The following SGF29 variants were observed in gnomAD, a reference collection of about 807,000 sequenced individuals.
SGF29 encodes SAGA complex associated factor 29, also known as SAGA-associated factor 29.
A neutral mutation model predicts 38.1 loss-of-function variants in SGF29; 15 were observed. The ratio of observed to expected loss-of-function variants is 0.39; its 90% CI spans 0.26 to 0.61. The LOEUF is 0.61. Among genes scored for constraint, SGF29 ranks in the 20% least tolerant of loss-of-function variants. The pLI is 0.49. For missense variants in SGF29, 184 were observed against 394.6 expected (o/e 0.47, Z 4.52); for synonymous variants, 151 against 160.8 (o/e 0.94, Z 0.46).
intron 1 of SGF29, among the ~76,000 whole-genome samples, chr16:28,555,855 T>C (rs1251317379): frequency 6.6e-6 from 1 of 152,228 alleles, no homozygotes; most frequent in Admixed American, 6.6e-5. Flanking sequence ...GGTTGGCAGC[T>C]TCCACTTTTG....
intron 9 of SGF29, 60 bp from the exon 10 acceptor site, chr16:28,591,530 G>T (rs537129278): frequency 1.6e-5 from 19 of 1,172,802 alleles, no homozygotes; most frequent in Middle Eastern, 1.9e-4. Flanking sequence ...CTGGGGGAAG[G>T]GGGTGCCTGT....
At chr16:28,557,469 A>G (rs1250451662) in intron 1 of SGF29, among the ~76,000 whole-genome samples, 2 of 152,198 alleles carry the variant, frequency 1.3e-5, no homozygotes, top group African/African-American at 4.8e-5. Context: ...ATCCATTGTG[A>G]CATCCTTTAT....
At chr16:28,564,708 C>CAT (rs369741491) in intron 1 of SGF29, among the ~76,000 whole-genome samples, 5,050 of 50,044 alleles carry the variant, frequency 0.1, 626 homozygotes, top group African/African-American at 0.25. Context: ...TATATATATA[C>CAT]ATATATATGT....
In SGF29 at chr16:28,583,774, G is replaced by A. The variant is rs940341812; in HGVS notation, c.76-1139G>A. ...ATCTATATGCCAGTACCACACCATC[G>A]TGATTACCGTAGCTTCGTAATAAAT... On this transcript the variant is annotated intron_variant, in intron 2 of 9. Coordinates refer to ENST00000317058, the MANE Select transcript of SGF29 (RefSeq NM_138414.3). Among the ~76,000 whole-genome samples the A allele has an allele frequency of 4.6e-5, 7 of 152,142 alleles. No individual in the cohort carries two copies. The East Asian group carries it at 9.7e-4, about 21-fold the overall frequency.
rs1438570645 is a variant in SGF29 at position 28,590,261 on chromosome 16, C to T, written c.420-35C>T. ...CAGCTGCGAGGGAGGGGCTGGTGCC[C>T]AGGGGCTGGGACTGACCCTTTGTTC... On this transcript the variant is annotated intron_variant, in intron 6 of 9. Coordinates refer to ENST00000317058, the MANE Select transcript of SGF29 (RefSeq NM_138414.3). The surrounding 1 kb of genome is among the most constrained non-coding windows in gnomAD (Gnocchi z 8.2). 3 of 1,608,568 alleles carry T rather than the reference C, an allele frequency of 1.9e-6. No individual in the cohort carries two copies. The highest frequency in any genetic ancestry group is 2.2e-5 in the East Asian group (1 of 44,666).
At chr16:28,579,734 C>G (rs1262714068) in intron 1 of SGF29, among the ~76,000 whole-genome samples, 3 of 151,652 alleles carry the variant, frequency 2.0e-5, no homozygotes, top group Non-Finnish European at 4.4e-5. Context: ...AGTTTGAGAC[C>G]AGCCTGGCCA....
chr16:28,589,986 C>T (rs1199553185), intron 5 of SGF29, 110 bp from the exon 6 acceptor site: 6 of 1,447,582 alleles, frequency 4.1e-6, no homozygotes, highest in Admixed American at 2.6e-5. Flanking sequence ...CTCGGGCTCA[C>T]TCGGGAACTG....
In SGF29 at chr16:28,585,765, G is replaced by A. The variant is rs200251883; in HGVS notation, c.224+45G>A. The A allele has an allele frequency of 3.3e-5, 52 of 1,566,526 alleles. No homozygotes were observed. In the Admixed American group the frequency reaches 6.8e-4, roughly 21 times the overall value. On this transcript the variant is annotated intron_variant, in intron 4 of 9. Coordinates refer to ENST00000317058, the MANE Select transcript of SGF29 (RefSeq NM_138414.3). ...TTCATCGCCGCTCCCTCCTTTCCTG[G>A]GGGCTGGGCTGCAGGTCCATTTGGA...
In SGF29 at chr16:28,564,765, A is replaced by ACATATATACG. The variant is rs1567286199; in HGVS notation, c.-16+10668_-16+10669insCATATATACG. Reference sequence around the variant, plus strand: ...TATATGTATATATATGTATATATGTATATATATGTATATATATATATACAC... The same window carrying ACATATATACG: ...TATATGTATATATATGTATATATGTACATATATACGTATATATGTATATATATATATACAC... On this transcript the variant is annotated intron_variant, in intron 1 of 9. Coordinates refer to ENST00000317058, the MANE Select transcript of SGF29 (RefSeq NM_138414.3). 1.3e-3 allele frequency among the ~76,000 whole-genome samples: 74 copies of ACATATATACG among 58,820 alleles called. 2 individuals carry two copies. Among genetic ancestry groups the ACATATATACG allele is most frequent in the Non-Finnish European group, 1.9e-3 (57 of 30,278 alleles). 38.6% of individuals were successfully genotyped at this position (58,820 alleles called of 152,430 possible).
chr16:28,564,597 A>G (rs1043620723), intron 1 of SGF29, among the ~76,000 whole-genome samples: 2 of 131,300 alleles, frequency 1.5e-5, no homozygotes, highest in East Asian at 4.1e-4. Flanking sequence ...ATATACACAC[A>G]TATATGTGTA....
intron 1 of SGF29, among the ~76,000 whole-genome samples, chr16:28,574,104 T>A (rs1484577064): frequency 6.6e-6 from 1 of 152,154 alleles, no homozygotes; most frequent in African/African-American, 2.4e-5. Flanking sequence ...AGAATTCGAC[T>A]TGGGCACAAG....
intron 1 of SGF29, 133 bp from the exon 2 acceptor site, chr16:28,580,922 C>G (rs2046921211): frequency 1.5e-6 from 1 of 670,822 alleles, no homozygotes; most frequent in Non-Finnish European, 2.6e-6. Flanking sequence ...CTCAAGCAAT[C>G]CTCCCGCCTT....
chr16:28,589,312 G>GA (rs2046973252), intron 5 of SGF29, 148 bp downstream of exon 5: 7 of 735,112 alleles, frequency 9.5e-6, no homozygotes, highest in African/African-American at 1.8e-5. Flanking sequence ...CTACCACTGA[G>GA]AAGGGACAGG....
At chr16:28,559,867 C>T (rs1421732671) in intron 1 of SGF29, among the ~76,000 whole-genome samples, 1 of 152,164 alleles carries the variant, frequency 6.6e-6, no homozygotes, top group Non-Finnish European at 1.5e-5. Context: ...ACACCAAACT[C>T]TCAAGAACAT....
intron 4 of SGF29, among the ~76,000 whole-genome samples, chr16:28,588,205 CCACCCTGGAATCCCCATAAA>C (rs2046966373): frequency 6.6e-6 from 1 of 152,154 alleles, no homozygotes; most frequent in Non-Finnish European, 1.5e-5. Context: ...TGGGTTCCTG[CCACCCTGGAATCCCCATAAA>C]CTAACTTCAC....
At chr16:28,585,774 C>G in intron 4 of SGF29, 54 bp downstream of exon 4, 1 of 1,527,760 alleles carries the variant, frequency 6.5e-7, no homozygotes. Context: ...GGGGGCTGGG[C>G]TGCAGGTCCA....
chr16:28,568,050 C>T (rs945384736), intron 1 of SGF29, among the ~76,000 whole-genome samples: 5 of 151,932 alleles, frequency 3.3e-5, no homozygotes, highest in East Asian at 1.9e-4. Flanking sequence ...TGTTGACTCA[C>T]GCCTGTAACC....
intron 1 of SGF29, among the ~76,000 whole-genome samples, chr16:28,575,595 A>C (rs1183856349): frequency 6.6e-6 from 1 of 152,136 alleles, no homozygotes; most frequent in Non-Finnish European, 1.5e-5. Context: ...TGAGGCAGGA[A>C]AATTGCTTGA....
chr16:28,571,808 G>A (rs1470799674), intron 1 of SGF29, among the ~76,000 whole-genome samples: 1 of 152,048 alleles, frequency 6.6e-6, no homozygotes, highest in Non-Finnish European at 1.5e-5. Flanking sequence ...GAGCTGGGGT[G>A]TGAAGTAGTG....
Sources: gnomAD v4.1 joint callset for allele counts (sites outside exome capture counted in the v4.1 genomes callset) on GRCh38, gnomAD v4.1.1 for gene constraint, Gnocchi (gnomAD v3.1) non-coding constraint, MANE v1.5 for transcripts, NCBI Gene and HGNC (gene_info 2026-07-23, HGNC 2026-07-21) for gene names.